GIT1: variants seen among roughly 807,000 people sequenced by gnomAD.
GIT1 encodes GIT ArfGAP 1.
GIT1 carries 14 observed loss-of-function variants against 91.7 expected under a neutral mutation model. That is an observed-to-expected ratio of 0.15 (90% confidence interval 0.10 to 0.24). The LOEUF (loss-of-function observed/expected upper bound fraction) is 0.24, where lower values mean the gene tolerates loss of function less well. GIT1 is among the 10% of genes least tolerant of loss of function. The pLI is 1.00. For missense variants in GIT1, 717 were observed against 1,024.9 expected, an observed-to-expected ratio of 0.70 and a Z score of 4.10; for synonymous variants, 414 against 418.2, an observed-to-expected ratio of 0.99 and a Z score of 0.12.
At chr17:29,577,491 C>T (rs1223298444) in intron 10 of GIT1, among the ~76,000 whole-genome samples, 154 bp downstream of exon 10, 1 of 152,188 alleles carries the variant, frequency 6.6e-6, no homozygotes, top group African/African-American at 2.4e-5. Context: ...AAAACAACAG[C>T]CTCCTGACCT....
intron 7 of GIT1, chr17:29,579,272 A>C: frequency 2.0e-6 from 1 of 497,694 alleles, no homozygotes; most frequent in Non-Finnish European, 3.6e-6. Flanking sequence ...AGGTTCCTCA[A>C]TCACCTGTTG....
Position 29,575,612 on chromosome 17 carries a change from A to C in GIT1, c.1826+18T>G, listed in dbSNP as rs746235485. 1.2e-6 allele frequency: 2 copies of C among 1,608,350 alleles called. No homozygotes were observed. Among genetic ancestry groups the C allele is most frequent in the Non-Finnish European group, 1.7e-6 (2 of 1,177,794 alleles). ...TCGGCATGTGAGCAGGCTGGACTGGAGACCCAGGGAGCCTCACCCCAGCAG... is the reference window on the plus strand; with the variant it reads ...TCGGCATGTGAGCAGGCTGGACTGGCGACCCAGGGAGCCTCACCCCAGCAG... On this transcript the variant is annotated intron_variant, in intron 17 of 19. Coordinates refer to ENST00000225394, the MANE Select transcript of GIT1 (RefSeq NM_014030.4). The surrounding 1 kb of genome is among the most constrained non-coding windows in gnomAD (Gnocchi z 5.5).
Position 29,577,121 on chromosome 17 carries a change from A to T in GIT1, c.1093+15T>A. 1 of 1,611,564 alleles carries T rather than the reference A, an allele frequency of 6.2e-7. No homozygotes were observed. The highest frequency in any genetic ancestry group is 8.5e-7 in the Non-Finnish European group (1 of 1,178,212). ...CCCCGCCTGCTTCCCACACCCTCCCACACAACCCTCCCACCTGTGGGGCTG... is the reference window on the plus strand; with the variant it reads ...CCCCGCCTGCTTCCCACACCCTCCCTCACAACCCTCCCACCTGTGGGGCTG... On this transcript the variant is annotated intron_variant, in intron 11 of 19. Transcript: ENST00000225394.
In GIT1 at chr17:29,578,282, C is replaced by A. The variant is rs1285562896; in HGVS notation, c.883+17G>T. ...GCTCGGGTCCTCCACGCCAGACACT[C>A]CTGCTCCCTGACTCACCTGCATCAT... On this transcript the variant is annotated intron_variant, in intron 9 of 19. Transcript: ENST00000225394. The A allele has an allele frequency of 1.2e-6, 2 of 1,607,196 alleles. No individual in the cohort carries two copies. The highest frequency in any genetic ancestry group is 1.1e-5 in the South Asian group (1 of 90,924).
In GIT1 at chr17:29,582,776, G is replaced by A. The variant is rs767337864; in HGVS notation, c.327C>T (p.Ala109=). The change falls in exon 4 of 20, where the codon GCC becomes GCT. Residue 109 remains alanine (A), a synonymous_variant. Transcript: ENST00000225394. Reference sequence around the variant, plus strand: ...GCACAAATGCCAGCATCTGGTACTTGGCCCTGATGAACTCTGACTTGATGG... The same window carrying A: ...GCACAAATGCCAGCATCTGGTACTTAGCCCTGATGAACTCTGACTTGATGG... The part of the protein sequence containing the change: ...VHPIKSEFIR[A]KYQMLAFVHK... 1.3e-5 allele frequency: 21 copies of A among 1,613,460 alleles called. No homozygotes were observed. Among genetic ancestry groups the A allele is most frequent in the Non-Finnish European group, 1.8e-5 (21 of 1,179,892 alleles).
chr17:29,580,467 C>T (rs555314048), intron 7 of GIT1, among the ~76,000 whole-genome samples: 10 of 152,334 alleles, frequency 6.6e-5, no homozygotes, highest in South Asian at 2.1e-4. Flanking sequence ...GGCATGAGGA[C>T]ATGGCCATCA....
At chr17:29,588,660 A>G (rs2033684270) in intron 1 of GIT1, among the ~76,000 whole-genome samples, 1 of 151,886 alleles carries the variant, frequency 6.6e-6, no homozygotes, top group African/African-American at 2.4e-5. Context: ...GGTCCAGCCG[A>G]GCTGTTCCCA....
chr17:29,587,377 A>G (rs1467123446), intron 1 of GIT1, among the ~76,000 whole-genome samples: 1 of 152,104 alleles, frequency 6.6e-6, no homozygotes, highest in African/African-American at 2.4e-5. Context: ...GATGAGTAAG[A>G]CTGTCCACAT....
chr17:29,587,808 T>C (rs985285536), intron 1 of GIT1, among the ~76,000 whole-genome samples: 24 of 152,112 alleles, frequency 1.6e-4, no homozygotes, highest in African/African-American at 4.8e-4. Flanking sequence ...ACTCCCCCGA[T>C]TGGGCGCCTG....
At position 29,581,394 on chromosome 17, in the gene GIT1, A is replaced by G. The variant is rs965155127; in HGVS notation, c.719-14T>C. The G allele has an allele frequency of 6.8e-6, 11 of 1,609,642 alleles. No homozygotes were observed. The highest frequency in any genetic ancestry group is 1.7e-5 in the Admixed American group (1 of 59,996). On this transcript the variant is annotated splice_polypyrimidine_tract_variant and intron_variant, in intron 6 of 19. Transcript: ENST00000225394. This position sits in a 1 kb window ranked among gnomAD's most constrained non-coding sequence, Gnocchi z 4.8. The stretch of plus-strand genomic sequence containing the variant: ...CATTCTTGTGATCTGAACAAAAATA[A>G]AAATGCCAAGTCACTCACTAGTGCT...
Position 29,576,267 on chromosome 17 carries a change from G to T in GIT1, c.1564C>A (p.Pro522Thr). The T allele has an allele frequency of 6.2e-7, 1 of 1,610,390 alleles. No homozygotes were observed. The highest frequency in any genetic ancestry group is 8.5e-7 in the Non-Finnish European group (1 of 1,177,882). ...PGSALKPFGG[P>T]PGDELTTRLQ... ...CGCGTAGTGAGCTCGTCCCCAGGGG[G>T]GCCCCCAAAGGGCTTCAGGGCAGAG... The change falls in exon 14 of 20, where the codon CCC becomes ACC. Residue 522 changes from proline to threonine, a missense_variant. Transcript: ENST00000225394.
rs771817258 is a variant in GIT1 at position 29,576,111 on chromosome 17, G to T, written c.1632C>A (p.Ile544=). 6.2e-7 allele frequency: 1 copy of T among 1,613,684 alleles called. No homozygotes were observed. The highest frequency in any genetic ancestry group is 1.1e-5 in the South Asian group (1 of 91,088). The part of the protein sequence containing the change: ...FHSTELEDDA[I]YSVHVPAGLY... ...GGCCAGCAGGGACGTGCACTGAATA[G>T]ATGGCGTCGTCCTCTAGCTCCTGGG... is the stretch of plus-strand genomic sequence containing the variant. The change falls in exon 15 of 20, where the codon ATC becomes ATA. Residue 544 remains isoleucine (I), a synonymous_variant. Coordinates refer to ENST00000225394, the MANE Select transcript of GIT1 (RefSeq NM_014030.4).
rs771633165 is a variant in GIT1 at position 29,576,570 on chromosome 17, C to T, written c.1332G>A (p.Met444Ile). 5 of 1,614,074 alleles carry T rather than the reference C, an allele frequency of 3.1e-6. No individual in the cohort carries two copies. The East Asian group carries it at 1.1e-4, about 36-fold the overall frequency. ...ATSEAKVQQL[M>I]KVNSSLSDEL... is the part of the protein sequence containing the mutation. ...CGTCGCTCAGGCTACTGTTGACCTT[C>T]ATGAGCTGCTGCACCTTTGCCTCCG... The change falls in exon 13 of 20, where the codon ATG (methionine) becomes ATA (isoleucine). Residue 444 changes from methionine to isoleucine, a missense_variant. Transcript: ENST00000225394.
rs1272448170 is a variant in GIT1 at position 29,575,029 on chromosome 17, G to C, written c.2073+50C>G. 6.7e-7 allele frequency: 1 copy of C among 1,497,868 alleles called. No individual in the cohort carries two copies. The highest frequency in any genetic ancestry group is 9.1e-7 in the Non-Finnish European group (1 of 1,094,728). The allele number at this position is 1,497,868 out of a possible 1,614,324, so 92.8% of individuals were successfully genotyped here. A position where few individuals can be genotyped will look rare whatever the true frequency, so the allele number is the denominator to read the frequency against. ...CGATCAGATGGGATTCTCCACGCCT[G>C]CCCCAGCTCGAGGCCCTCCCACTCC... On this transcript the variant is annotated intron_variant, in intron 19 of 19. Coordinates refer to ENST00000225394, the MANE Select transcript of GIT1 (RefSeq NM_014030.4). The surrounding 1 kb of genome is among the most constrained non-coding windows in gnomAD (Gnocchi z 5.5).
chr17:29,583,020 G>T lies in GIT1; in HGVS notation c.204C>A (p.Ala68=). 1 of 1,609,244 alleles carries T rather than the reference G, an allele frequency of 6.2e-7. No homozygotes were observed. Among genetic ancestry groups the T allele is most frequent in the Non-Finnish European group, 8.5e-7 (1 of 1,178,056 alleles). The part of the protein sequence containing the change: ...PTLLQMVHTL[A]SNGANSIWEH... Reference sequence around the variant, plus strand: ...CCCAGATGGAGTTGGCCCCGTTGCTGGCAAGCGTGTGCACCATCTGCAGGG... The same window carrying T: ...CCCAGATGGAGTTGGCCCCGTTGCTTGCAAGCGTGTGCACCATCTGCAGGG... The change falls in exon 3 of 20, where the codon GCC becomes GCA. Residue 68 remains alanine (A), a synonymous_variant. Coordinates refer to ENST00000225394, the MANE Select transcript of GIT1 (RefSeq NM_014030.4).
At chr17:29,579,577 C>A (rs1004520472) in intron 7 of GIT1, among the ~76,000 whole-genome samples, 1 of 152,090 alleles carries the variant, frequency 6.6e-6, no homozygotes, top group Non-Finnish European at 1.5e-5. Flanking sequence ...GATACAAAAG[C>A]AATTTAAAAA....
intron 1 of GIT1, among the ~76,000 whole-genome samples, chr17:29,584,959 CTT>C (rs11419578): frequency 7.8e-5 from 8 of 102,392 alleles, no homozygotes; most frequent in Admixed American, 2.2e-4. Flanking sequence ...TGGGTTTAGG[CTT>C]TTTTTTTTTT....
chr17:29,576,073 C>G lies in GIT1; in HGVS notation c.1665+5G>C. 1.2e-6 allele frequency: 2 copies of G among 1,613,520 alleles called. No individual in the cohort carries two copies. Among genetic ancestry groups the G allele is most frequent in the Middle Eastern group, 3.3e-4 (2 of 6,056 alleles). On this transcript the variant is annotated splice_donor_5th_base_variant and intron_variant, in intron 15 of 19. Coordinates refer to ENST00000225394, the MANE Select transcript of GIT1 (RefSeq NM_014030.4). ...CTAAGATGGACACGCCTTCCCCAGG[C>G]TTACCCGGTAAAGGCCAGCAGGGAC...
chr17:29,586,096 C>G (rs374858656), intron 1 of GIT1, among the ~76,000 whole-genome samples: 4 of 152,094 alleles, frequency 2.6e-5, no homozygotes, highest in Non-Finnish European at 5.9e-5. Flanking sequence ...TGAAGGCAGG[C>G]GAGAGTAGTC....
Sources: allele counts gnomAD v4.1 joint callset (sites outside exome capture counted in the v4.1 genomes callset), GRCh38; gene constraint gnomAD v4.1.1; non-coding constraint Gnocchi (gnomAD v3.1); transcripts MANE v1.5; gene names NCBI Gene and HGNC (gene_info 2026-07-23, HGNC 2026-07-21).